DCC: variants seen among roughly 807,000 people sequenced by gnomAD.
The protein encoded by DCC is netrin receptor DCC.
DCC carries 58 observed loss-of-function variants against 172.5 expected under a neutral mutation model. The observed-to-expected ratio is 0.34, with a 90% CI of 0.27 to 0.42. The LOEUF (loss-of-function observed/expected upper bound fraction) is 0.42, where lower values mean the gene tolerates loss of function less well. DCC is among the 10% of genes least tolerant of loss of function. DCC has a pLI of 1.00. For missense variants in DCC, 1,740 were observed against 1,791.0 expected (o/e 0.97, Z 0.51); for synonymous variants, 709 against 644.5 (o/e 1.10, Z -1.52).
At chr18:52,446,075 G>A (rs1988112274) in intron 1 of DCC, among the ~76,000 whole-genome samples, 2 of 152,140 alleles carry the variant, frequency 1.3e-5, no homozygotes, top group Admixed American at 6.5e-5. Context: ...TGGGACTACA[G>A]GCGCCCGCCA....
intron 1 of DCC, among the ~76,000 whole-genome samples, chr18:52,404,105 C>G (rs537948543): frequency 6.6e-6 from 1 of 151,880 alleles, no homozygotes; most frequent in Admixed American, 6.6e-5. Context: ...AGGTGGGATT[C>G]CTAAAGACAG....
intron 5 of DCC, among the ~76,000 whole-genome samples, chr18:53,038,228 G>A (rs2042121595): frequency 6.6e-6 from 1 of 151,946 alleles, no homozygotes; most frequent in South Asian, 2.1e-4. Context: ...AGGGAATTCT[G>A]TTTGATATTT....
At chr18:52,496,062 A>G (rs1398577751) in intron 1 of DCC, among the ~76,000 whole-genome samples, 1 of 152,138 alleles carries the variant, frequency 6.6e-6, no homozygotes. Flanking sequence ...GCTATGTACC[A>G]TAGTACACAC....
intron 1 of DCC, among the ~76,000 whole-genome samples, chr18:52,467,570 G>A (rs528997818): frequency 6.6e-6 from 1 of 152,202 alleles, no homozygotes; most frequent in African/African-American, 2.4e-5. Flanking sequence ...CCCAATAGTG[G>A]GATTGCTGGG....
intron 9 of DCC, 107 bp downstream of exon 9, chr18:53,179,223 G>A (rs1296304164): frequency 8.9e-7 from 1 of 1,127,826 alleles, no homozygotes; most frequent in Non-Finnish European, 1.3e-6. Flanking sequence ...GCGAAGAAGA[G>A]TTTTTTTTCT....
intron 1 of DCC, among the ~76,000 whole-genome samples, chr18:52,455,142 A>C (rs1305072809): frequency 1.3e-5 from 2 of 152,218 alleles, no homozygotes; most frequent in Non-Finnish European, 2.9e-5. Flanking sequence ...TTTAAACCTA[A>C]GATTACAAGC....
intron 1 of DCC, among the ~76,000 whole-genome samples, chr18:52,545,071 G>A (rs945110310): frequency 1.1e-4 from 16 of 152,160 alleles, no homozygotes; most frequent in Non-Finnish European, 1.6e-4. Flanking sequence ...AGAAACCAAC[G>A]GAACATCCAA....
At chr18:52,666,569 T>G (rs1217925633) in intron 1 of DCC, among the ~76,000 whole-genome samples, 1 of 152,222 alleles carries the variant, frequency 6.6e-6, no homozygotes, top group African/African-American at 2.4e-5. Flanking sequence ...TGATTCGTGT[T>G]TCTGCCAATC....
intron 5 of DCC, among the ~76,000 whole-genome samples, chr18:53,048,401 T>G (rs987987919): frequency 1.3e-5 from 2 of 151,770 alleles, no homozygotes; most frequent in African/African-American, 2.4e-5. Context: ...TCTGCGTTAG[T>G]TTGCTAAGGA....
At chr18:53,351,384 G>GTGTATATATA (rs1568075029) in intron 15 of DCC, among the ~76,000 whole-genome samples, 1 of 20,320 alleles carries the variant, frequency 4.9e-5, no homozygotes, top group African/African-American at 1.8e-4. Context: ...TATATATACA[G>GTGTATATATA]TATATATATA....
Position 53,174,247 on chromosome 18 carries a change from C to A in DCC, c.1419-4715C>A, listed in dbSNP as rs1318457405. Among the ~76,000 whole-genome samples the A allele has an allele frequency of 7.8e-5, 11 of 141,614 alleles. No homozygotes were observed. The South Asian group carries it at 1.9e-3, about 24-fold the overall frequency. 92.9% of individuals were successfully genotyped at this position (141,614 alleles called of 152,430 possible). On this transcript the variant is annotated intron_variant, in intron 8 of 28. Coordinates refer to ENST00000442544, the MANE Select transcript of DCC (RefSeq NM_005215.4). ...AAGCAGGAAAGATCCAAAATTGACA[C>A]CCTAACATCACAATTAAAAGAACTA...
chr18:52,878,765 G>T (rs768399911), intron 2 of DCC, among the ~76,000 whole-genome samples: 1 of 152,188 alleles, frequency 6.6e-6, no homozygotes, highest in Non-Finnish European at 1.5e-5. Flanking sequence ...CTGGCACAGA[G>T]TAGGTGTTCA....
At chr18:52,927,389 G>A (rs1472716092) in intron 5 of DCC, among the ~76,000 whole-genome samples, 1 of 151,506 alleles carries the variant, frequency 6.6e-6, no homozygotes, top group Non-Finnish European at 1.5e-5. Flanking sequence ...AGATGCACAA[G>A]AAAATATTTA....
intron 2 of DCC, among the ~76,000 whole-genome samples, chr18:52,833,141 C>A (rs1367830153): frequency 3.3e-5 from 5 of 152,094 alleles, no homozygotes; most frequent in Non-Finnish European, 7.3e-5. Context: ...AACTCACTGG[C>A]ACATATCTTC....
intron 1 of DCC, among the ~76,000 whole-genome samples, chr18:52,411,609 A>G (rs538435774): frequency 6.6e-6 from 1 of 152,244 alleles, no homozygotes; most frequent in South Asian, 2.1e-4. Context: ...ACTACTAGGA[A>G]CTTTCCTCCT....
At chr18:53,080,390 G>A (rs1024942620) in intron 7 of DCC, among the ~76,000 whole-genome samples, 1 of 152,074 alleles carries the variant, frequency 6.6e-6, no homozygotes, top group African/African-American at 2.4e-5. Flanking sequence ...CAGGAGTAAA[G>A]GGCCTGACAA....
intron 1 of DCC, among the ~76,000 whole-genome samples, chr18:52,745,479 G>A (rs1043605632): frequency 2.0e-5 from 3 of 151,978 alleles, no homozygotes; most frequent in African/African-American, 7.3e-5. Flanking sequence ...GCCTAGAATT[G>A]TGCATTTTAA....
chr18:52,563,228 T>C (rs1420471979), intron 1 of DCC, among the ~76,000 whole-genome samples: 2 of 152,192 alleles, frequency 1.3e-5, no homozygotes, highest in Non-Finnish European at 2.9e-5. Flanking sequence ...TATTAGTTTT[T>C]TGATGCTGAC....
intron 5 of DCC, among the ~76,000 whole-genome samples, chr18:53,034,775 T>G (rs910822213): frequency 1.6e-4 from 25 of 151,988 alleles, no homozygotes; most frequent in Admixed American, 1.6e-3. Context: ...GCCTGAAAGA[T>G]CTGGCATTGG....
Sources: gnomAD v4.1 joint callset for allele counts (sites outside exome capture counted in the v4.1 genomes callset) on GRCh38, gnomAD v4.1.1 for gene constraint, MANE v1.5 for transcripts, NCBI Gene and HGNC (gene_info 2026-07-23, HGNC 2026-07-21) for gene names.